RAPGEF2: variants seen among roughly 807,000 people sequenced by gnomAD.
The protein encoded by RAPGEF2 is PDZ domain containing guanine nucleotide exchange factor (GEF) 1.
In RAPGEF2, 54 loss-of-function variants were observed where a neutral mutation model predicts 186.7. The observed-to-expected ratio is 0.29, with a 90% CI of 0.23 to 0.36. RAPGEF2 has a LOEUF of 0.36. Ranked by LOEUF, RAPGEF2 falls within the 10% of genes least tolerant of loss-of-function variation. The probability of loss-of-function intolerance (pLI) is 1.00; values close to 1 mark genes in which losing one functional copy is unlikely to be tolerated. For synonymous variants in RAPGEF2, 712 were observed against 705.9 expected, an observed-to-expected ratio of 1.01 and a Z score of -0.14; for missense variants, 1,532 against 2,045.0, an observed-to-expected ratio of 0.75 and a Z score of 4.84.
At chr4:159,168,729 C>T (rs141087332) in intron 1 of RAPGEF2, among the ~76,000 whole-genome samples, 5 of 152,146 alleles carry the variant, frequency 3.3e-5, no homozygotes, top group Admixed American at 6.5e-5. Flanking sequence ...TTTCATTATG[C>T]GTAGGAGGTA....
chr4:159,113,488 C>G (rs1170158678), intron 1 of RAPGEF2, among the ~76,000 whole-genome samples: 1 of 152,032 alleles, frequency 6.6e-6, no homozygotes, highest in Non-Finnish European at 1.5e-5. Context: ...CTCCTGTAAT[C>G]CCTGCACTTT....
At chr4:159,138,530 G>C (rs1741965297) in intron 1 of RAPGEF2, among the ~76,000 whole-genome samples, 1 of 152,108 alleles carries the variant, frequency 6.6e-6, no homozygotes, top group South Asian at 2.1e-4. Flanking sequence ...ATTCTACTGT[G>C]TTCATATCTC....
At chr4:159,146,256 A>T (rs1005330985) in intron 1 of RAPGEF2, among the ~76,000 whole-genome samples, 2 of 152,180 alleles carry the variant, frequency 1.3e-5, no homozygotes, top group East Asian at 3.8e-4. Context: ...CAAAAAGTGG[A>T]ATGTTAGTTG....
At chr4:159,339,909 T>G (rs1318773770) in intron 19 of RAPGEF2, among the ~76,000 whole-genome samples, 1 of 152,238 alleles carries the variant, frequency 6.6e-6, no homozygotes, top group Non-Finnish European at 1.5e-5. Flanking sequence ...CAGACTTTAC[T>G]TGCTACAGAG....
chr4:159,222,932 A>G (rs1008573640), intron 4 of RAPGEF2, among the ~76,000 whole-genome samples: 16 of 145,560 alleles, frequency 1.1e-4, no homozygotes, highest in African/African-American at 4.1e-4. Flanking sequence ...ATATATATAT[A>G]TATTTGAAGA....
Position 159,343,132 on chromosome 4 carries a change from A to G in RAPGEF2, c.3072A>G (p.Gln1024=), listed in dbSNP as rs1472089755. 6.2e-7 allele frequency: 1 copy of G among 1,613,808 alleles called. No homozygotes were observed. Among genetic ancestry groups the G allele is most frequent in the African/African-American group, 1.3e-5 (1 of 74,828 alleles). The change falls in exon 21 of 30, where the codon CAA becomes CAG. Residue 1024 remains glutamine, a synonymous_variant. Transcript: ENST00000691494. ...YRNVLNSQNL[Q]PPIIPLFPVI... ...ATGTTCTCAATAGTCAAAATCTACA[A>G]CCTCCCATAATCCCTCTATTCCCAG...
intron 4 of RAPGEF2, among the ~76,000 whole-genome samples, chr4:159,217,493 C>A (rs1751097910): frequency 6.6e-6 from 1 of 152,172 alleles, no homozygotes; most frequent in Non-Finnish European, 1.5e-5. Context: ...TGATTCCATT[C>A]TTTTTTAAGG....
intron 1 of RAPGEF2, among the ~76,000 whole-genome samples, chr4:159,181,365 A>G (rs1746988904): frequency 6.6e-6 from 1 of 152,080 alleles, no homozygotes; most frequent in Non-Finnish European, 1.5e-5. Context: ...TTTTTTTCTA[A>G]TACTTTTCCA....
rs374204994 is a variant in RAPGEF2, at chr4:159,332,626, G to T, written c.2064G>T (p.Val688=). The change falls in exon 17 of 30, where the codon GTG becomes GTT. Residue 688 remains valine, a synonymous_variant. Transcript: ENST00000691494. ...KVNKKSKANT[V]GGRNKLKKIL... ...ACAAAAAAAGTAAAGCCAACACTGT[G>T]GGAGGAAGGAACAAGCTGAAAAAGA... 1.2e-5 allele frequency: 20 copies of T among 1,614,098 alleles called. No homozygotes were observed. The African/African-American group carries it at 2.4e-4, about 19-fold the overall frequency.
chr4:159,207,100 G>T (rs75488823), intron 3 of RAPGEF2, among the ~76,000 whole-genome samples: 9 of 152,182 alleles, frequency 5.9e-5, no homozygotes, highest in Non-Finnish European at 1.3e-4. Context: ...CTCTGCAAAT[G>T]CCTACTAAAG....
Position 159,341,651 on chromosome 4 carries a change from CCTT to C in RAPGEF2, c.2624_2626del (p.Leu875del). ...TGTTGAGAGAGAGTCAAATTTCCCT[CCTT>C]CAGCTCAGCACTGTGGAAGTTGCAA... On this transcript the variant is annotated inframe_deletion, in exon 20 of 30. Coordinates refer to ENST00000691494, the MANE Select transcript of RAPGEF2 (RefSeq NM_001394067.2). 6.2e-7 allele frequency: 1 copy of C among 1,613,998 alleles called. No homozygotes were observed. The highest frequency in any genetic ancestry group is 8.5e-7 in the Non-Finnish European group (1 of 1,179,914).
At chr4:159,326,060 A>G (rs1326090029) in intron 11 of RAPGEF2, among the ~76,000 whole-genome samples, 1 of 152,184 alleles carries the variant, frequency 6.6e-6, no homozygotes, top group African/African-American at 2.4e-5. Context: ...TAAAAGGAAT[A>G]TGTTAAATCA....
chr4:159,322,375 G>C lies in RAPGEF2; in HGVS notation c.882G>C (p.Leu294Phe), dbSNP rs1765342506. The C allele has an allele frequency of 6.2e-7, 1 of 1,613,794 alleles. No homozygotes were observed. Among genetic ancestry groups the C allele is most frequent in the Admixed American group, 1.7e-5 (1 of 60,022 alleles). The change falls in exon 10 of 30, where the codon TTG becomes TTC. Residue 294 changes from leucine (L) to phenylalanine (F), a missense_variant. This residue lies in a region of RAPGEF2 where 810 missense variants were observed against 1,210.5 expected (regional missense o/e 0.67). Coordinates refer to ENST00000691494, the MANE Select transcript of RAPGEF2 (RefSeq NM_001394067.2). Reference protein sequence around the residue: ...IEQLLEFMHQLPAFANMTMSV... With the variant: ...IEQLLEFMHQFPAFANMTMSV... ...AACTCTTGGAATTTATGCACCAGTT[G>C]CCTGCTTTTGCCAATATGACAATGT... is the stretch of plus-strand genomic sequence containing the variant.
rs370477370 is a variant in RAPGEF2 at position 159,240,331 on chromosome 4, C to CTTTTTTTTTTTTT, written c.358-863_358-851dup. 1.2e-3 allele frequency among the ~76,000 whole-genome samples: 94 copies of CTTTTTTTTTTTTT among 77,588 alleles called. 4 individuals carry two copies. Among genetic ancestry groups the CTTTTTTTTTTTTT allele is most frequent in the African/African-American group, 3.2e-3 (60 of 18,618 alleles). The allele number at this position is 77,588 out of a possible 152,430, so 50.9% of individuals were successfully genotyped here. On this transcript the variant is annotated intron_variant, in intron 5 of 29. Transcript: ENST00000691494. ...CCCTGTTCATTCATCAGCATTTCTA[C>CTTTTTTTTTTTTT]TTTTTTTTTTTTTTTTTTTGGAGAC...
In RAPGEF2 at chr4:159,356,007, C is replaced by T. The variant is rs774256606; in HGVS notation, c.4806C>T (p.Ser1602=). 1 of 1,613,708 alleles carries T rather than the reference C, an allele frequency of 6.2e-7. No homozygotes were observed. Among genetic ancestry groups the T allele is most frequent in the Non-Finnish European group, 8.5e-7 (1 of 1,179,976 alleles). Residue 1602 remains serine (S), a synonymous_variant, in exon 29 of 30, where the codon TCC becomes TCT. Coordinates refer to ENST00000691494, the MANE Select transcript of RAPGEF2 (RefSeq NM_001394067.2). ...AGAGATCGCGGATGGTCGCACGATC[C>T]TCCGACACAGCTGGGCCTTCATCCG... The part of the protein sequence containing the change: ...ALQRSRMVAR[S]SDTAGPSSVQ...
chr4:159,335,727 C>T (rs994671177), intron 17 of RAPGEF2, among the ~76,000 whole-genome samples: 1 of 149,308 alleles, frequency 6.7e-6, no homozygotes, highest in African/African-American at 2.5e-5. Flanking sequence ...CCCAGCTACT[C>T]GGAGAGGCTG....
intron 7 of RAPGEF2, among the ~76,000 whole-genome samples, chr4:159,277,664 C>T (rs1759096875): frequency 6.6e-6 from 1 of 152,224 alleles, no homozygotes; most frequent in Admixed American, 6.5e-5. Context: ...ATTTGTGTTT[C>T]TCTGATGGCC....
chr4:159,273,575 G>A (rs139657273), intron 7 of RAPGEF2, among the ~76,000 whole-genome samples: 2,537 of 152,084 alleles, frequency 0.017, 37 homozygotes, highest in Middle Eastern at 0.041. Context: ...GTGTCATTAG[G>A]AATTCAGTTA....
intron 8 of RAPGEF2, among the ~76,000 whole-genome samples, chr4:159,309,499 A>C (rs1763702271): frequency 6.6e-6 from 1 of 152,200 alleles, no homozygotes; most frequent in African/African-American, 2.4e-5. Flanking sequence ...TAGACTAGGG[A>C]ATATAAGCTG....
Sources: gnomAD v4.1 joint callset for allele counts (sites outside exome capture counted in the v4.1 genomes callset) on GRCh38, gnomAD v4.1.1 for gene constraint, gnomAD v4.1.1 regional missense constraint, MANE v1.5 for transcripts, NCBI Gene and HGNC (gene_info 2026-07-23, HGNC 2026-07-21) for gene names.